The following ZFYVE9 variants were observed in gnomAD, a reference collection of about 807,000 sequenced individuals.
The protein encoded by ZFYVE9 is zinc finger FYVE domain-containing protein 9.
ZFYVE9 carries 43 observed loss-of-function variants against 126.7 expected under a neutral mutation model. That is an observed-to-expected ratio of 0.34 (90% CI 0.27 to 0.44). The LOEUF (loss-of-function observed/expected upper bound fraction) is 0.44. Among genes scored for constraint, ZFYVE9 ranks in the 20% least tolerant of loss-of-function variants. ZFYVE9 has a pLI of 1.00. For missense variants in ZFYVE9, 1,476 were observed against 1,697.0 expected (o/e 0.87, Z 2.29); for synonymous variants, 521 against 597.4 (o/e 0.87, Z 1.87).
intron 1 of ZFYVE9, among the ~76,000 whole-genome samples, chr1:52,187,209 A>G (rs911129196): frequency 1.4e-4 from 22 of 152,226 alleles, no homozygotes; most frequent in Non-Finnish European, 2.8e-4. Context: ...AAAAACTAGC[A>G]ATGGGGAAAG....
chr1:52,149,404 T>C (rs1046578467), intron 1 of ZFYVE9, among the ~76,000 whole-genome samples: 3 of 152,112 alleles, frequency 2.0e-5, no homozygotes, highest in African/African-American at 7.2e-5. Flanking sequence ...AATATGAATA[T>C]TTCTTAAGAA....
rs571081828 is a variant in ZFYVE9, at chr1:52,164,739, A to G, written c.-143+22336A>G. Among the ~76,000 whole-genome samples, 6 of 152,274 alleles carry G rather than the reference A, an allele frequency of 3.9e-5. No homozygotes were observed. In the South Asian group the frequency reaches 8.3e-4, roughly 21 times the overall value. ...TTGAGGCAGAAAAGGAAATGAAGCT[A>G]TTTGGCTATAGATGATTGCTGCTTT... On this transcript the variant is annotated intron_variant, in intron 1 of 18. Coordinates refer to ENST00000287727, the MANE Select transcript of ZFYVE9 (RefSeq NM_004799.4).
intron 4 of ZFYVE9, among the ~76,000 whole-genome samples, chr1:52,245,163 C>CA (rs879854058): frequency 0.017 from 1,933 of 114,702 alleles, 30 homozygotes; most frequent in African/African-American, 0.052. Context: ...GACTCTGTCT[C>CA]AAAAAAAAAA....
At chr1:52,236,317 A>G (rs1295927688) in intron 3 of ZFYVE9, among the ~76,000 whole-genome samples, 2 of 152,192 alleles carry the variant, frequency 1.3e-5, no homozygotes, top group African/African-American at 4.8e-5. Context: ...GCCTTCAGAA[A>G]TCATTCAGTG....
At chr1:52,167,111 A>G (rs1572068414) in intron 1 of ZFYVE9, among the ~76,000 whole-genome samples, 1 of 152,248 alleles carries the variant, frequency 6.6e-6, no homozygotes, top group Non-Finnish European at 1.5e-5. Flanking sequence ...ATACAAACAC[A>G]TGGTATCAGT....
intron 1 of ZFYVE9, among the ~76,000 whole-genome samples, chr1:52,154,211 G>A (rs1446050556): frequency 6.6e-6 from 1 of 152,180 alleles, no homozygotes; most frequent in Non-Finnish European, 1.5e-5. Context: ...ACCCATACCT[G>A]GAATAAATGT....
chr1:52,174,024 G>C (rs201883458), intron 1 of ZFYVE9, among the ~76,000 whole-genome samples: 16 of 149,902 alleles, frequency 1.1e-4, no homozygotes, highest in Non-Finnish European at 2.2e-4. Flanking sequence ...TCTGATTTTA[G>C]TTATTTCTTG....
At chr1:52,334,544 G>A (rs1646371948) in intron 14 of ZFYVE9, 144 bp from the exon 15 acceptor site, 1 of 730,772 alleles carries the variant, frequency 1.4e-6, no homozygotes, top group South Asian at 1.8e-5. Flanking sequence ...TTGGTTACAT[G>A]TTTATTGTGG....
chr1:52,216,400 T>C lies in ZFYVE9; in HGVS notation c.-111T>C. ...ACAGAGCATACTGAATCAGCAGGAC[T>C]GGCTGGTGGTGCAGCAGACATCATG... is the stretch of plus-strand genomic sequence containing the variant. On this transcript the variant is annotated 5_prime_UTR_variant, in exon 2 of 19. Coordinates refer to ENST00000287727, the MANE Select transcript of ZFYVE9 (RefSeq NM_004799.4). 1 of 398,536 alleles carries C rather than the reference T, an allele frequency of 2.5e-6. No homozygotes were observed. Among genetic ancestry groups the C allele is most frequent in the East Asian group, 3.6e-5 (1 of 28,064 alleles). The allele number at this position is 398,536 out of a possible 1,614,324, so 24.7% of individuals were successfully genotyped here. A position where few individuals can be genotyped will look rare whatever the true frequency, so the allele number is the denominator to read the frequency against.
At chr1:52,198,772 T>C (rs1644894666) in intron 1 of ZFYVE9, among the ~76,000 whole-genome samples, 1 of 152,140 alleles carries the variant, frequency 6.6e-6, no homozygotes. Flanking sequence ...ACAGCAAAAT[T>C]GAGAGGAAAA....
intron 9 of ZFYVE9, among the ~76,000 whole-genome samples, chr1:52,279,660 A>G (rs1279320791): frequency 6.6e-6 from 1 of 152,048 alleles, no homozygotes; most frequent in African/African-American, 2.4e-5. Flanking sequence ...TAGAGACAGG[A>G]GTCTCACCAT....
chr1:52,237,862 CTTG>C lies in ZFYVE9; in HGVS notation c.450_452del (p.Val151del), dbSNP rs759416395. ...TTGTCTGCCAGATGAGAAGAATGTTCTTGTTGTAGCCGTCATGCATAACTGTGA... is the reference window on the plus strand; with the variant it reads ...TTGTCTGCCAGATGAGAAGAATGTTCTTGTAGCCGTCATGCATAACTGTGA... On this transcript the variant is annotated inframe_deletion, in exon 4 of 19. Transcript: ENST00000287727. 164 of 1,613,872 alleles carry C rather than the reference CTTG, an allele frequency of 1.0e-4. No individual in the cohort carries two copies. The highest frequency in any genetic ancestry group is 1.2e-4 in the African/African-American group (9 of 74,906).
At chr1:52,282,338 A>T (rs2147817739) in intron 10 of ZFYVE9, among the ~76,000 whole-genome samples, 1 of 152,340 alleles carries the variant, frequency 6.6e-6, no homozygotes, top group African/African-American at 2.4e-5. Context: ...TTGAGAGAAA[A>T]GAAACACATT....
chr1:52,345,998 C>G (rs1010309222), intron 18 of ZFYVE9, 62 bp from the exon 19 acceptor site: 5 of 1,450,962 alleles, frequency 3.4e-6, no homozygotes, highest in Admixed American at 4.6e-5. Context: ...CCTCCTTGCC[C>G]TCAGCCCTGG....
intron 1 of ZFYVE9, among the ~76,000 whole-genome samples, chr1:52,195,362 CTG>C (rs1199301447): frequency 6.6e-6 from 1 of 152,198 alleles, no homozygotes; most frequent in African/African-American, 2.4e-5. Context: ...GGCTGTGTCA[CTG>C]TGTGTGACCT....
At position 52,239,395 on chromosome 1, in the gene ZFYVE9, C is replaced by T. The variant is rs1218524575; in HGVS notation, c.1978C>T (p.Pro660Ser). 3 of 1,614,172 alleles carry T rather than the reference C, an allele frequency of 1.9e-6. No homozygotes were observed. Among genetic ancestry groups the T allele is most frequent in the Non-Finnish European group, 2.5e-6 (3 of 1,180,024 alleles). The change falls in exon 4 of 19, where the codon CCA becomes TCA. Residue 660 changes from proline to serine, a missense_variant. Coordinates refer to ENST00000287727, the MANE Select transcript of ZFYVE9 (RefSeq NM_004799.4). ...ESYEAEISTR[P>S]CLALAPDSPD... ...TTATGAGGCTGAGATCTCCACTAGACCATGCCTTGCATTAGCTCCAGATAG... is the reference window on the plus strand; with the variant it reads ...TTATGAGGCTGAGATCTCCACTAGATCATGCCTTGCATTAGCTCCAGATAG...
In ZFYVE9 at chr1:52,200,482, C is replaced by T. The variant is rs533043033; in HGVS notation, c.-142-15887C>T. ...AGATGTAAGCCACTGTGCCTGGCCACAGAGCAGAAATTTTTAATTTTAGTG... is the reference window on the plus strand; with the variant it reads ...AGATGTAAGCCACTGTGCCTGGCCATAGAGCAGAAATTTTTAATTTTAGTG... On this transcript the variant is annotated intron_variant, in intron 1 of 18. Transcript: ENST00000287727. Among the ~76,000 whole-genome samples, 5 of 152,234 alleles carry T rather than the reference C, an allele frequency of 3.3e-5. No homozygotes were observed. In the South Asian group the frequency reaches 6.2e-4, roughly 19 times the overall value.
chr1:52,144,168 A>G (rs1644287277), intron 1 of ZFYVE9, among the ~76,000 whole-genome samples: 1 of 152,084 alleles, frequency 6.6e-6, no homozygotes, highest in Admixed American at 6.6e-5. Flanking sequence ...AAAAATACAA[A>G]AATTAGCTGG....
chr1:52,278,692 C>A, intron 9 of ZFYVE9, 78 bp downstream of exon 9: 9 of 948,154 alleles, frequency 9.5e-6, no homozygotes, highest in African/African-American at 1.7e-5. Context: ...ATTTATTACA[C>A]ACAAGTATTT....
Sources: allele counts gnomAD v4.1 joint callset (sites outside exome capture counted in the v4.1 genomes callset), GRCh38; gene constraint gnomAD v4.1.1; transcripts MANE v1.5; gene names NCBI Gene and HGNC (gene_info 2026-07-23, HGNC 2026-07-21).